Variants in TMEM233 observed in about 807,000 individuals in gnomAD.
The protein encoded by TMEM233 is transmembrane protein 233.
In TMEM233, 6 loss-of-function variants were observed where a neutral mutation model predicts 11.2. The ratio of observed to expected loss-of-function variants is 0.54; its 90% CI spans 0.29 to 1.06. The LOEUF is 1.06. Ranked by LOEUF, TMEM233 falls within the 50% of genes least tolerant of loss-of-function variation. The probability of loss-of-function intolerance (pLI) is 0.08; values close to 1 mark genes in which losing one functional copy is unlikely to be tolerated. For synonymous variants in TMEM233, 59 were observed against 55.8 expected (o/e 1.06, Z -0.26); for missense variants, 127 against 144.7 (o/e 0.88, Z 0.63).
downstream of TMEM233, among the ~76,000 whole-genome samples, chr12:119,647,044 C>T (rs745462952): frequency 3.3e-5 from 5 of 152,240 alleles, no homozygotes; most frequent in East Asian, 3.9e-4. Context: ...TGACCACCCA[C>T]GGAATTAAAA....
At chr12:119,610,315 C>T (rs1350956214) in intron 1 of TMEM233, among the ~76,000 whole-genome samples, 1 of 152,132 alleles carries the variant, frequency 6.6e-6, no homozygotes, top group Non-Finnish European at 1.5e-5. Flanking sequence ...GCAGAAGGGA[C>T]TTGCCTTGTC....
intron 1 of TMEM233, among the ~76,000 whole-genome samples, chr12:119,602,427 G>A (rs934482753): frequency 2.0e-5 from 3 of 152,158 alleles, no homozygotes; most frequent in Non-Finnish European, 2.9e-5. Flanking sequence ...GAGAAATGGC[G>A]TATTAAAATT....
intron 1 of TMEM233, among the ~76,000 whole-genome samples, chr12:119,604,998 C>CTCTT (rs567468740): frequency 0.32 from 45,620 of 141,116 alleles, 7,619 homozygotes; most frequent in Middle Eastern, 0.39. Flanking sequence ...CCCTCACTAT[C>CTCTT]TTTTTTTTTT....
chr12:119,598,777 G>A (rs929383041), intron 1 of TMEM233, among the ~76,000 whole-genome samples: 1 of 152,156 alleles, frequency 6.6e-6, no homozygotes. Flanking sequence ...CAAGTGCCTC[G>A]ATCTTTCTGA....
intron 1 of TMEM233, among the ~76,000 whole-genome samples, chr12:119,610,532 G>A (rs547961442): frequency 6.6e-6 from 1 of 152,304 alleles, no homozygotes; most frequent in South Asian, 2.1e-4. Flanking sequence ...CCTGTCATGG[G>A]AGGGACCTGG....
In TMEM233 at chr12:119,640,825, C is replaced by G; in HGVS notation, c.*120C>G. ...CTGTGAGATCTTTTCCTCCAGGACT[C>G]TCCAGAGGCAGGTCCCTGGCAAATG... On this transcript the variant is annotated 3_prime_UTR_variant, in exon 3 of 3. Transcript: ENST00000426426. 9.7e-7 allele frequency: 1 copy of G among 1,034,570 alleles called. No individual in the cohort carries two copies. The highest frequency in any genetic ancestry group is 1.6e-5 in the African/African-American group (1 of 60,754). 64.1% of individuals were successfully genotyped at this position (1,034,570 alleles called of 1,614,324 possible).
intron 2 of TMEM233, among the ~76,000 whole-genome samples, chr12:119,633,006 T>C (rs1279812801): frequency 6.6e-6 from 1 of 151,996 alleles, no homozygotes; most frequent in Non-Finnish European, 1.5e-5. Context: ...GGGGATGAAG[T>C]GTTGATGTCT....
At chr12:119,614,436 G>GA (rs1555265555) in intron 1 of TMEM233, among the ~76,000 whole-genome samples, 8 of 151,340 alleles carry the variant, frequency 5.3e-5, no homozygotes, top group African/African-American at 1.7e-4. Context: ...GAGAGAGAGA[G>GA]GCAAGAACAA....
Position 119,629,854 on chromosome 12 carries a change from C to A in TMEM233, c.305C>A (p.Ala102Glu), listed in dbSNP as rs1301754846. 1 of 1,551,088 alleles carries A rather than the reference C, an allele frequency of 6.4e-7. No homozygotes were observed. The highest frequency in any genetic ancestry group is 8.7e-7 in the Non-Finnish European group (1 of 1,146,776). The stretch of plus-strand genomic sequence containing the variant: ...CTTCTCATCATCGGCATTTCTTGTG[C>A]AGTTCACTTCACAAGGAAGTAAGTA... ...IGLLIIGISC[A>E]VHFTRNA is the part of the protein sequence containing the mutation. The change falls in exon 2 of 3, where the codon GCA (alanine) becomes GAA (glutamate). Residue 102 changes from alanine to glutamate, a missense_variant. Transcript: ENST00000426426.
intron 1 of TMEM233, among the ~76,000 whole-genome samples, chr12:119,600,387 T>TA (rs10682613): frequency 0.44 from 61,412 of 139,836 alleles, 14,405 homozygotes; most frequent in East Asian, 0.63. Context: ...GTGGGTAGAT[T>TA]AAAAAAAAAA....
chr12:119,612,658 G>A lies in TMEM233; in HGVS notation c.187-17078G>A, dbSNP rs568809887. On this transcript the variant is annotated intron_variant, in intron 1 of 2. Transcript: ENST00000426426. ...TCCCAGCTACTTGGGAGGCTGAGGC[G>A]GGAGAATGGCATGAACCGGGAGGCG... Among the ~76,000 whole-genome samples the A allele has an allele frequency of 1.4e-4, 21 of 151,536 alleles. No homozygotes were observed. The East Asian group carries it at 2.2e-3, about 16-fold the overall frequency.
chr12:119,599,409 T>C (rs1301777620), intron 1 of TMEM233, among the ~76,000 whole-genome samples: 1 of 150,468 alleles, frequency 6.6e-6, no homozygotes, highest in Non-Finnish European at 1.5e-5. Flanking sequence ...CGTAAATGTA[T>C]ACACTTACTA....
At chr12:119,639,835 T>TCA (rs1263574091) in intron 2 of TMEM233, among the ~76,000 whole-genome samples, 9 of 152,240 alleles carry the variant, frequency 5.9e-5, no homozygotes, top group Non-Finnish European at 1.2e-4. Flanking sequence ...GGCCTGGCAC[T>TCA]CTGTACTCAC....
chr12:119,617,344 G>C (rs575130566), intron 1 of TMEM233, among the ~76,000 whole-genome samples: 4 of 152,240 alleles, frequency 2.6e-5, no homozygotes, highest in South Asian at 2.1e-4. Flanking sequence ...GGACTTTTTG[G>C]GAACTAGAGT....
intron 1 of TMEM233, among the ~76,000 whole-genome samples, chr12:119,626,546 GAAGAGAAGAGAA>G (rs1954768681): frequency 1.5e-5 from 1 of 65,324 alleles, no homozygotes; most frequent in African/African-American, 4.9e-5. Context: ...AGGGAGAAGA[GAAGAGAAGAGAA>G]GAGAAGAGAA....
At chr12:119,629,417 A>C (rs1316494245) in intron 1 of TMEM233, among the ~76,000 whole-genome samples, 1 of 152,086 alleles carries the variant, frequency 6.6e-6, no homozygotes, top group African/African-American at 2.4e-5. Flanking sequence ...CTCAAAAAAA[A>C]AAAGAAAAGA....
intron 1 of TMEM233, among the ~76,000 whole-genome samples, chr12:119,613,590 G>A (rs1047786729): frequency 1.3e-5 from 2 of 152,158 alleles, no homozygotes; most frequent in African/African-American, 4.8e-5. Flanking sequence ...GAGGCAGGAT[G>A]AACACTTGAG....
chr12:119,597,530 C>T (rs1954071549), intron 1 of TMEM233, among the ~76,000 whole-genome samples: 2 of 151,310 alleles, frequency 1.3e-5, no homozygotes, highest in Non-Finnish European at 2.9e-5. Context: ...TTACACCAAG[C>T]CTGAGAAGCT....
chr12:119,628,571 C>T (rs1954810240), intron 1 of TMEM233, among the ~76,000 whole-genome samples: 1 of 142,752 alleles, frequency 7.0e-6, no homozygotes. Context: ...ACGATCTTGG[C>T]TCACTGCAAG....
Sources: gnomAD v4.1 joint callset for allele counts (sites outside exome capture counted in the v4.1 genomes callset) on GRCh38, gnomAD v4.1.1 for gene constraint, MANE v1.5 for transcripts, NCBI Gene and HGNC (gene_info 2026-07-23, HGNC 2026-07-21) for gene names.